PTPRB: variants seen among roughly 807,000 people sequenced by gnomAD.
PTPRB encodes the protein receptor-type tyrosine-protein phosphatase beta.
A neutral mutation model predicts 238.1 loss-of-function variants in PTPRB; 97 were observed. The observed-to-expected ratio is 0.41, with a 90% CI of 0.35 to 0.48. PTPRB has a LOEUF of 0.48. Among genes scored for constraint, PTPRB ranks in the 20% least tolerant of loss-of-function variants. PTPRB has a pLI of 0.30. For missense variants in PTPRB, 2,292 were observed against 2,681.9 expected, an observed-to-expected ratio of 0.85 and a Z score of 3.21; for synonymous variants, 970 against 995.4, an observed-to-expected ratio of 0.97 and a Z score of 0.48.
At chr12:70,531,963 G>A in intron 32 of PTPRB, 72 bp downstream of exon 32, 4 of 1,558,484 alleles carry the variant, frequency 2.6e-6, no homozygotes, top group Non-Finnish European at 3.5e-6. Context: ...TCAGATTAAG[G>A]TCCTGGATAT....
At chr12:70,564,794 C>T (rs1182250538) in intron 15 of PTPRB, among the ~76,000 whole-genome samples, 3 of 151,028 alleles carry the variant, frequency 2.0e-5, no homozygotes. Context: ...GATTGTGCCA[C>T]TGCACTCCAT....
chr12:70,590,388 T>A (rs922579780), intron 7 of PTPRB, among the ~76,000 whole-genome samples, 155 bp from the exon 8 acceptor site: 11 of 152,152 alleles, frequency 7.2e-5, no homozygotes, highest in African/African-American at 2.7e-4. Context: ...AAATGAGTGT[T>A]CTTTATTTCG....
intron 14 of PTPRB, among the ~76,000 whole-genome samples, chr12:70,569,294 G>A (rs923742994): frequency 6.6e-6 from 1 of 152,038 alleles, no homozygotes; most frequent in African/African-American, 2.4e-5. Context: ...AGTAGAAATG[G>A]GGTTTAGCTA....
intron 4 of PTPRB, among the ~76,000 whole-genome samples, chr12:70,607,053 C>T (rs1404267514): frequency 6.6e-6 from 1 of 152,206 alleles, no homozygotes; most frequent in Non-Finnish European, 1.5e-5. Flanking sequence ...TTTCACTCAA[C>T]ATGGTCAATA....
intron 22 of PTPRB, chr12:70,541,815 A>G (rs1875168612): frequency 6.6e-6 from 1 of 152,232 alleles, no homozygotes; most frequent in African/African-American, 2.4e-5. Context: ...TTATGGTTGA[A>G]TAATCGTCCA....
chr12:70,621,289 C>T (rs1166299303), intron 3 of PTPRB, among the ~76,000 whole-genome samples: 1 of 152,116 alleles, frequency 6.6e-6, no homozygotes, highest in Non-Finnish European at 1.5e-5. Context: ...CTGCTTTAAG[C>T]CCAAACTGGG....
At chr12:70,569,330 C>A (rs1389289564) in intron 14 of PTPRB, among the ~76,000 whole-genome samples, 1 of 152,128 alleles carries the variant, frequency 6.6e-6, no homozygotes, top group Non-Finnish European at 1.5e-5. Flanking sequence ...TCTCGAACTC[C>A]TGAACTCAAG....
Position 70,518,009 on chromosome 12 carries a change from T to G in PTPRB, c.*3480A>C, listed in dbSNP as rs1443584014. 6.6e-6 allele frequency: 1 copy of G among 152,200 alleles called. No homozygotes were observed. The highest frequency in any genetic ancestry group is 1.5e-5 in the Non-Finnish European group (1 of 68,030). The allele number at this position is 152,200 out of a possible 1,614,324, so 9.4% of individuals were successfully genotyped here. On this transcript the variant is annotated 3_prime_UTR_variant, in exon 34 of 34. Transcript: ENST00000334414. ...TATTTTTATATTGCTGGACATCTGG[T>G]AAATGGTTTAATATTATTTTCACAT...
At chr12:70,579,815 C>T (rs1592525908) in intron 10 of PTPRB, among the ~76,000 whole-genome samples, 1 of 151,800 alleles carries the variant, frequency 6.6e-6, no homozygotes, top group African/African-American at 2.4e-5. Flanking sequence ...TCAGTGACTT[C>T]ATTGTTCTTC....
chr12:70,592,100 A>G, intron 7 of PTPRB, 182 bp downstream of exon 7: 1 of 756,144 alleles, frequency 1.3e-6, no homozygotes, highest in Non-Finnish European at 2.1e-6. Flanking sequence ...TCATTCAGAA[A>G]TCCAAACTCA....
chr12:70,607,616 G>T (rs900301722), intron 4 of PTPRB, among the ~76,000 whole-genome samples: 7 of 150,424 alleles, frequency 4.7e-5, no homozygotes, highest in Admixed American at 3.3e-4. Context: ...GCACAATCTG[G>T]CTTCTCTGCC....
At position 70,580,999 on chromosome 12, in the gene PTPRB, C is replaced by G. The variant is rs1881320141; in HGVS notation, c.2578+37G>C. The G allele has an allele frequency of 3.1e-6, 5 of 1,595,956 alleles. No homozygotes were observed. The Middle Eastern group carries it at 5.0e-4, about 161-fold the overall frequency. On this transcript the variant is annotated intron_variant, in intron 10 of 33. Coordinates refer to ENST00000334414, the MANE Select transcript of PTPRB (RefSeq NM_001109754.4). ...GATTAGGGGTCTCATGTACTCAGAT[C>G]TTAGTTAAGTCACAGACACATATCT...
At chr12:70,554,710 A>G (rs1222244462) in intron 20 of PTPRB, among the ~76,000 whole-genome samples, 3 of 152,142 alleles carry the variant, frequency 2.0e-5, no homozygotes, top group Non-Finnish European at 4.4e-5. Context: ...GTGGTTTGCA[A>G]GCATGATCAG....
chr12:70,544,837 ATATT>A (rs1330865692), intron 21 of PTPRB, among the ~76,000 whole-genome samples, 174 bp from the exon 22 acceptor site: 2 of 152,164 alleles, frequency 1.3e-5, no homozygotes, highest in African/African-American at 4.8e-5. Flanking sequence ...TTATTCATAA[ATATT>A]TATTGAGCCC....
intron 16 of PTPRB, among the ~76,000 whole-genome samples, chr12:70,561,853 C>A (rs1331750377): frequency 6.6e-6 from 1 of 152,200 alleles, no homozygotes; most frequent in Non-Finnish European, 1.5e-5. Context: ...CTTCCCTCCC[C>A]GCTATTGCAG....
intron 22 of PTPRB, chr12:70,541,525 T>C: frequency 6.6e-6 from 1 of 152,360 alleles, no homozygotes; most frequent in Non-Finnish European, 1.5e-5. Flanking sequence ...TGGTCTTTAG[T>C]ATAGTCAAAG....
chr12:70,620,082 G>A (rs533326350), intron 3 of PTPRB, among the ~76,000 whole-genome samples: 1 of 152,280 alleles, frequency 6.6e-6, no homozygotes, highest in Admixed American at 6.5e-5. Flanking sequence ...TTACACATTA[G>A]CTTACCAGGA....
rs369708791 is a variant in PTPRB, at chr12:70,569,748, C to T, written c.3561G>A (p.Gly1187=). ...FEHTFHRLEA[G]EQYQIMIASV... The stretch of plus-strand genomic sequence containing the variant: ...AGGCAATCATGATCTGGTACTGCTC[C>T]CCGGCCTCCAGTCTGTGGAACGTGT... The change falls in exon 14 of 34, where the codon GGG becomes GGA. Residue 1187 remains glycine (G), a synonymous_variant. Transcript: ENST00000334414. 1 of 1,613,850 alleles carries T rather than the reference C, an allele frequency of 6.2e-7. No individual in the cohort carries two copies. Among genetic ancestry groups the T allele is most frequent in the Non-Finnish European group, 8.5e-7 (1 of 1,179,866 alleles).
chr12:70,536,148 G>C lies in PTPRB; in HGVS notation c.5958C>G (p.Phe1986Leu), dbSNP rs1027825484. Residue 1986 changes from phenylalanine to leucine, a missense_variant, in exon 29 of 34, where the codon TTC (phenylalanine) becomes TTG (leucine). Around this residue, in one of 4 missense-constraint regions of PTPRB, gnomAD observed 397 missense variants for 502.0 expected, o/e 0.79. Transcript: ENST00000334414. ...INASYIPGNN[F>L]RREYIVTQGP... ...CCTGAGTGACAATGTATTCTCTTCT[G>C]AAGTTGTTGCCCTGCAATGAATTTA... 1.2e-6 allele frequency: 2 copies of C among 1,613,160 alleles called. No homozygotes were observed. Among genetic ancestry groups the C allele is most frequent in the African/African-American group, 2.7e-5 (2 of 74,906 alleles).
Sources: gnomAD v4.1 joint callset for allele counts (sites outside exome capture counted in the v4.1 genomes callset) on GRCh38, gnomAD v4.1.1 for gene constraint, gnomAD v4.1.1 regional missense constraint, MANE v1.5 for transcripts, NCBI Gene and HGNC (gene_info 2026-07-23, HGNC 2026-07-21) for gene names.